FGGY: variants seen among roughly 807,000 people sequenced by gnomAD.
FGGY encodes the protein FGGY carbohydrate kinase domain-containing protein.
FGGY carries 72 observed loss-of-function variants against 71.3 expected under a neutral mutation model. The observed-to-expected ratio is 1.01, with a 90% CI of 0.84 to 1.23. The LOEUF is 1.23. Among genes scored for constraint, FGGY ranks in the 50% most tolerant of loss-of-function variants. The pLI is 0.00. For missense variants in FGGY, 668 were observed against 682.3 expected (o/e 0.98, Z 0.23); for synonymous variants, 251 against 250.3 (o/e 1.00, Z -0.02).
intron 4 of FGGY, among the ~76,000 whole-genome samples, chr1:59,363,779 CCCGTGACAAAACATGCAATTTT>C (rs2056066879): frequency 6.6e-6 from 1 of 152,164 alleles, no homozygotes; most frequent in Non-Finnish European, 1.5e-5. Context: ...TCCTCAAGGA[CCCGTGACAAAACATGCAATTTT>C]CCTAGAAATA....
intron 14 of FGGY, among the ~76,000 whole-genome samples, chr1:59,687,090 C>T (rs1263570947): frequency 6.6e-6 from 1 of 152,190 alleles, no homozygotes; most frequent in African/African-American, 2.4e-5. Flanking sequence ...TGCTCCTTCC[C>T]CTGCTCTGCT....
Position 59,762,715 on chromosome 1 carries a change from A to T in FGGY, c.*131A>T, listed in dbSNP as rs1402826755. 3.2e-5 allele frequency: 21 copies of T among 661,606 alleles called. No individual in the cohort carries two copies. The East Asian group carries it at 5.8e-4, about 18-fold the overall frequency. 41.0% of individuals were successfully genotyped at this position (661,606 alleles called of 1,614,324 possible). A position where few individuals can be genotyped will look rare whatever the true frequency, so the allele number is the denominator to read the frequency against. On this transcript the variant is annotated 3_prime_UTR_variant, in exon 16 of 16. Coordinates refer to ENST00000303721, the MANE Select transcript of FGGY (RefSeq NM_018291.5). The stretch of plus-strand genomic sequence containing the variant: ...TATTGTCTTTCAATAAAGAAAACAA[A>T]CATGTGCAACCAGAATTAGAGTCTT...
At chr1:59,657,404 C>T (rs1303506920) in intron 11 of FGGY, among the ~76,000 whole-genome samples, 1 of 152,152 alleles carries the variant, frequency 6.6e-6, no homozygotes, top group African/African-American at 2.4e-5. Flanking sequence ...CAGCAACTTC[C>T]CTAGGAGACC....
chr1:59,338,643 G>A (rs1230227835), intron 2 of FGGY, among the ~76,000 whole-genome samples: 6 of 151,830 alleles, frequency 4.0e-5, no homozygotes, highest in African/African-American at 7.2e-5. Flanking sequence ...ACTTCACACC[G>A]CCACACCCAG....
In FGGY at chr1:59,762,671, T is replaced by G; in HGVS notation, c.*87T>G. ...TGATCCATGTTCAAGACCCTTGAGG[T>G]ATTGTTTCATCATTTCTGTATTGTC... On this transcript the variant is annotated 3_prime_UTR_variant, in exon 16 of 16. Coordinates refer to ENST00000303721, the MANE Select transcript of FGGY (RefSeq NM_018291.5). The G allele has an allele frequency of 2.1e-6, 2 of 935,850 alleles. No homozygotes were observed. Among genetic ancestry groups the G allele is most frequent in the Non-Finnish European group, 3.3e-6 (2 of 600,606 alleles). The allele number at this position is 935,850 out of a possible 1,614,324, so 58.0% of individuals were successfully genotyped here.
chr1:59,403,901 A>G (rs1258709894), intron 5 of FGGY, among the ~76,000 whole-genome samples: 1 of 152,238 alleles, frequency 6.6e-6, no homozygotes, highest in Non-Finnish European at 1.5e-5. Flanking sequence ...AGATGATAAT[A>G]GGACATGCCT....
intron 9 of FGGY, among the ~76,000 whole-genome samples, chr1:59,617,916 G>A (rs866946209): frequency 6.6e-6 from 1 of 152,076 alleles, no homozygotes; most frequent in Non-Finnish European, 1.5e-5. Flanking sequence ...TGCCTCCTGC[G>A]TCATTGCCAA....
chr1:59,409,043 T>TC (rs1361479489), intron 5 of FGGY, among the ~76,000 whole-genome samples: 1 of 152,150 alleles, frequency 6.6e-6, no homozygotes, highest in African/African-American at 2.4e-5. Context: ...ATCTCCATCC[T>TC]CCCCCATCTC....
At chr1:59,473,042 A>T (rs942244757) in intron 6 of FGGY, among the ~76,000 whole-genome samples, 1 of 152,104 alleles carries the variant, frequency 6.6e-6, no homozygotes, top group African/African-American at 2.4e-5. Context: ...GGGGCCAGAT[A>T]AGAGAATAAA....
chr1:59,447,669 T>C (rs1452326213), intron 5 of FGGY, among the ~76,000 whole-genome samples: 1 of 152,208 alleles, frequency 6.6e-6, no homozygotes, highest in Non-Finnish European at 1.5e-5. Context: ...CAAGATCAGA[T>C]GGTTTTATAA....
chr1:59,372,417 A>G (rs549304354), intron 4 of FGGY, among the ~76,000 whole-genome samples: 2 of 152,232 alleles, frequency 1.3e-5, no homozygotes, highest in Non-Finnish European at 2.9e-5. Context: ...GCAATAATTA[A>G]TAGCTTACCA....
intron 8 of FGGY, among the ~76,000 whole-genome samples, chr1:59,562,876 TAAATATG>T (rs1463139018): frequency 6.6e-6 from 1 of 152,174 alleles, no homozygotes; most frequent in Non-Finnish European, 1.5e-5. Flanking sequence ...TCAGACATCT[TAAATATG>T]TACAGTTTAT....
intron 8 of FGGY, among the ~76,000 whole-genome samples, chr1:59,578,128 G>A (rs1156527149): frequency 6.6e-6 from 1 of 152,086 alleles, no homozygotes; most frequent in African/African-American, 2.4e-5. Flanking sequence ...TGAGAGAGTA[G>A]AGCAAAAAGT....
At chr1:59,695,846 C>T (rs1203506547) in intron 14 of FGGY, among the ~76,000 whole-genome samples, 1 of 151,912 alleles carries the variant, frequency 6.6e-6, no homozygotes, top group African/African-American at 2.4e-5. Flanking sequence ...TCTTAAATGA[C>T]ATATTATCCT....
intron 9 of FGGY, among the ~76,000 whole-genome samples, chr1:59,611,494 T>C (rs374383504): frequency 6.6e-6 from 1 of 151,942 alleles, no homozygotes; most frequent in East Asian, 1.9e-4. Flanking sequence ...CAAAACCCAA[T>C]CTGTACGTCA....
intron 8 of FGGY, among the ~76,000 whole-genome samples, chr1:59,603,760 C>G (rs1353304353): frequency 6.6e-6 from 1 of 152,184 alleles, no homozygotes; most frequent in African/African-American, 2.4e-5. Context: ...GATTCCCTAA[C>G]CTACTTGTCA....
chr1:59,541,025 G>A (rs2095431820), intron 7 of FGGY, among the ~76,000 whole-genome samples: 1 of 152,168 alleles, frequency 6.6e-6, no homozygotes, highest in Non-Finnish European at 1.5e-5. Flanking sequence ...CCATGTTAGT[G>A]ATAGTGGTGG....
At chr1:59,510,182 A>G (rs941365918) in intron 6 of FGGY, among the ~76,000 whole-genome samples, 1 of 152,126 alleles carries the variant, frequency 6.6e-6, no homozygotes, top group Non-Finnish European at 1.5e-5. Flanking sequence ...GATATCAGTC[A>G]GAGTAGAACC....
intron 14 of FGGY, chr1:59,699,535 A>G: frequency 2.1e-6 from 1 of 471,344 alleles, no homozygotes; most frequent in Non-Finnish European, 2.8e-6. Context: ...ATTGGGGCTG[A>G]TGGAGAAAGA....
Sources: allele counts gnomAD v4.1 joint callset (sites outside exome capture counted in the v4.1 genomes callset), GRCh38; gene constraint gnomAD v4.1.1; transcripts MANE v1.5; gene names NCBI Gene and HGNC (gene_info 2026-07-23, HGNC 2026-07-21).